CWF19L2: variants seen among roughly 807,000 people sequenced by gnomAD.
CWF19L2 encodes CWF19 like cell cycle control factor 2, also known as CWF19-like protein 2.
CWF19L2 carries 98 observed loss-of-function variants against 111.7 expected under a neutral mutation model. That is an observed-to-expected ratio of 0.88 (90% confidence interval 0.75 to 1.04). The LOEUF (loss-of-function observed/expected upper bound fraction) is 1.04. Among genes scored for constraint, CWF19L2 ranks in the 50% least tolerant of loss-of-function variants. The pLI is 0.00. For missense variants in CWF19L2, 1,101 were observed against 1,051.4 expected (o/e 1.05, Z -0.65); for synonymous variants, 351 against 342.9 (o/e 1.02, Z -0.26).
At position 107,403,984 on chromosome 11, in the gene CWF19L2, T is replaced by C. The variant is rs540414366; in HGVS notation, c.1618-11089A>G. 1.0e-4 allele frequency: 87 copies of C among 850,584 alleles called. No homozygotes were observed. The African/African-American group carries it at 1.3e-3, about 12-fold the overall frequency. 52.7% of individuals were successfully genotyped at this position (850,584 alleles called of 1,614,324 possible). On this transcript the variant is annotated intron_variant, in intron 10 of 17. Transcript: ENST00000282251. ...CTGTTGCGACAACTGACCGAACGTC[T>C]GGCACCACACTCTCACTAAGGATTT...
At chr11:107,370,198 C>G (rs1437090344) in intron 12 of CWF19L2, among the ~76,000 whole-genome samples, 1 of 137,276 alleles carries the variant, frequency 7.3e-6, no homozygotes, top group Admixed American at 7.1e-5. Context: ...GACAGTATTT[C>G]TAAAAGTTGT....
At chr11:107,363,126 A>G (rs1372547714) in intron 12 of CWF19L2, among the ~76,000 whole-genome samples, 4 of 152,068 alleles carry the variant, frequency 2.6e-5, no homozygotes, top group African/African-American at 9.7e-5. Flanking sequence ...TTAGAGAAAA[A>G]AGAATAAAAA....
At chr11:107,404,040 CCAT>C (rs1861044526) in intron 10 of CWF19L2, 1 of 771,264 alleles carries the variant, frequency 1.3e-6, no homozygotes, top group Admixed American at 1.7e-5. Context: ...CACTAAAAAC[CCAT>C]CATCATAATC....
rs1859774620 is a variant in CWF19L2, at chr11:107,327,194, T to TA, written c.2542-142dup. ...TTCAAGCATAAATACTAGTTGAAGT[T>TA]AAAAAAATATGTTTTCAGTTAATTC... On this transcript the variant is annotated intron_variant, in intron 17 of 17. Coordinates refer to ENST00000282251, the MANE Select transcript of CWF19L2 (RefSeq NM_152434.3). The TA allele has an allele frequency of 8.1e-6, 7 of 864,526 alleles. No homozygotes were observed. In the East Asian group the frequency reaches 1.7e-4, roughly 21 times the overall value. The allele number at this position is 864,526 out of a possible 1,614,324, so 53.6% of individuals were successfully genotyped here. A position where few individuals can be genotyped will look rare whatever the true frequency, so the allele number is the denominator to read the frequency against.
rs1300981151 is a variant in CWF19L2, at chr11:107,346,485, T to TA, written c.2202+2451dup. Among the ~76,000 whole-genome samples, 4 of 152,286 alleles carry TA rather than the reference T, an allele frequency of 2.6e-5. No individual in the cohort carries two copies. In the East Asian group the frequency reaches 7.7e-4, roughly 29 times the overall value. On this transcript the variant is annotated intron_variant, in intron 14 of 17. Transcript: ENST00000282251. ...ATACCTTGGGGAGGAGAAAGAAGGTTAGCAGGGATAGCAAAGAGGAAACCC... is the reference window on the plus strand; with the variant it reads ...ATACCTTGGGGAGGAGAAAGAAGGTTAAGCAGGGATAGCAAAGAGGAAACCC...
chr11:107,372,292 C>A (rs889240665), intron 12 of CWF19L2, among the ~76,000 whole-genome samples: 1 of 134,930 alleles, frequency 7.4e-6, no homozygotes, highest in Non-Finnish European at 1.6e-5. Flanking sequence ...GTAAAGGCTT[C>A]CCTGAAAGAG....
At chr11:107,402,714 G>C (rs1861018653) in intron 10 of CWF19L2, among the ~76,000 whole-genome samples, 1 of 151,604 alleles carries the variant, frequency 6.6e-6, no homozygotes, top group Non-Finnish European at 1.5e-5. Flanking sequence ...ATTTGATCCA[G>C]CAATCCCACT....
intron 6 of CWF19L2, 51 bp downstream of exon 6, chr11:107,439,035 GAAAA>G (rs375132996): frequency 3.6e-4 from 106 of 291,946 alleles, no homozygotes; most frequent in East Asian, 7.3e-4. Flanking sequence ...ACTCTGTCTC[GAAAA>G]AAAAAAAAAA....
chr11:107,449,333 A>C (rs1050551032), intron 3 of CWF19L2, among the ~76,000 whole-genome samples: 1 of 152,094 alleles, frequency 6.6e-6, no homozygotes, highest in Non-Finnish European at 1.5e-5. Context: ...ATACATGTTA[A>C]TGAAAGTTCT....
chr11:107,375,805 A>T, intron 12 of CWF19L2, among the ~76,000 whole-genome samples: 1 of 84,648 alleles, frequency 1.2e-5, no homozygotes, highest in Non-Finnish European at 2.3e-5. Flanking sequence ...GACACAAAAA[A>T]CCCTTCAAAA....
chr11:107,375,212 C>T lies in CWF19L2; in HGVS notation c.1872+14862G>A, dbSNP rs1410725366. Among the ~76,000 whole-genome samples, 9 of 131,198 alleles carry T rather than the reference C, an allele frequency of 6.9e-5. 1 individual carries two copies. Among genetic ancestry groups the T allele is most frequent in the South Asian group, 5.4e-4 (2 of 3,690 alleles). The allele number at this position is 131,198 out of a possible 152,430, so 86.1% of individuals were successfully genotyped here. ...CCACTGTCAACATTAGACAGATCAA[C>T]GAGACAGAAGGTCAACAAGGATACC... On this transcript the variant is annotated intron_variant, in intron 12 of 17. Transcript: ENST00000282251.
intron 3 of CWF19L2, among the ~76,000 whole-genome samples, chr11:107,444,653 G>T (rs929876325): frequency 3.9e-5 from 6 of 152,074 alleles, no homozygotes; most frequent in African/African-American, 1.4e-4. Flanking sequence ...CTGACTAATT[G>T]TCTACTGCAG....
intron 12 of CWF19L2, among the ~76,000 whole-genome samples, chr11:107,387,022 C>A (rs1276166910): frequency 6.6e-6 from 1 of 151,582 alleles, no homozygotes; most frequent in Admixed American, 6.6e-5. Context: ...CCACTGCACT[C>A]CAGCCTGGTG....
chr11:107,353,413 A>T (rs908921797), intron 13 of CWF19L2, 111 bp downstream of exon 13: 1 of 786,550 alleles, frequency 1.3e-6, no homozygotes, highest in Non-Finnish European at 2.0e-6. Flanking sequence ...TAGGGGAAAG[A>T]CCCAATAAAC....
chr11:107,362,217 A>C (rs1182621573), intron 12 of CWF19L2, among the ~76,000 whole-genome samples: 1 of 151,374 alleles, frequency 6.6e-6, no homozygotes, highest in East Asian at 1.9e-4. Context: ...AGCTGAGATC[A>C]AACTGCAAGG....
chr11:107,374,528 TA>T (rs1860567319), intron 12 of CWF19L2, among the ~76,000 whole-genome samples: 1 of 132,260 alleles, frequency 7.6e-6, no homozygotes, highest in Non-Finnish European at 1.6e-5. Context: ...CTAAGCTTCC[TA>T]AGTGAAGGAG....
In CWF19L2 at chr11:107,392,914, A is replaced by G; in HGVS notation, c.1618-19T>C. 7.2e-7 allele frequency: 1 copy of G among 1,387,272 alleles called. No homozygotes were observed. Among genetic ancestry groups the G allele is most frequent in the South Asian group, 1.3e-5 (1 of 77,870 alleles). The allele number at this position is 1,387,272 out of a possible 1,614,324, so 85.9% of individuals were successfully genotyped here. The stretch of plus-strand genomic sequence containing the variant: ...CTTCATTCTATAAAAAGATTTAGAG[A>G]TAACTATTGAAATTATTGTGAAGAA... On this transcript the variant is annotated intron_variant, in intron 10 of 17. Transcript: ENST00000282251.
chr11:107,430,739 G>A (rs1861454101), intron 7 of CWF19L2, among the ~76,000 whole-genome samples: 1 of 152,016 alleles, frequency 6.6e-6, no homozygotes, highest in South Asian at 2.1e-4. Flanking sequence ...AGAAGATGGA[G>A]GTCAAAGAGT....
intron 8 of CWF19L2, among the ~76,000 whole-genome samples, chr11:107,422,907 T>G (rs1385765643): frequency 6.6e-6 from 1 of 151,978 alleles, no homozygotes; most frequent in East Asian, 1.9e-4. Flanking sequence ...CCCACATTGT[T>G]GAAAGGAAAG....
Sources: gnomAD v4.1 joint callset for allele counts (sites outside exome capture counted in the v4.1 genomes callset) on GRCh38, gnomAD v4.1.1 for gene constraint, MANE v1.5 for transcripts, NCBI Gene and HGNC (gene_info 2026-07-23, HGNC 2026-07-21) for gene names.